GTPBP2: variants seen among roughly 807,000 people sequenced by gnomAD.
GTPBP2 encodes the protein GTP binding protein 2.
Under a neutral mutation model 63.0 loss-of-function variants are expected in GTPBP2, and 32 were observed. The observed-to-expected ratio is 0.51, with a 90% CI of 0.38 to 0.68. The LOEUF (loss-of-function observed/expected upper bound fraction) is 0.68, where lower values mean the gene tolerates loss of function less well. Among genes scored for constraint, GTPBP2 ranks in the 30% least tolerant of loss-of-function variants. The pLI, the probability that GTPBP2 is intolerant of heterozygous loss-of-function variation, is 0.00. For synonymous variants in GTPBP2, 310 were observed against 322.6 expected (o/e 0.96, Z 0.42); for missense variants, 492 against 796.9 (o/e 0.62, Z 4.61).
chr6:43,621,585 A>G lies in GTPBP2; in HGVS notation c.*29T>C. On this transcript the variant is annotated 3_prime_UTR_variant, in exon 12 of 12. Coordinates refer to ENST00000307126, the MANE Select transcript of GTPBP2 (RefSeq NM_019096.5). ...AAGTCACCTTATATATTGTAGGGAC[A>G]GCAATAGAACTGTCCCTGCCTGAAG... The G allele has an allele frequency of 6.2e-7, 1 of 1,614,042 alleles. No individual in the cohort carries two copies. The highest frequency in any genetic ancestry group is 8.5e-7 in the Non-Finnish European group (1 of 1,179,920).
intron 1 of GTPBP2, among the ~76,000 whole-genome samples, chr6:43,627,744 C>T (rs945180958): frequency 3.3e-5 from 5 of 152,202 alleles, no homozygotes; most frequent in Non-Finnish European, 2.9e-5. Flanking sequence ...TTTTTCTACC[C>T]GCCTCTCTGG....
In GTPBP2 at chr6:43,621,749, G is replaced by A. The variant is rs755834125; in HGVS notation, c.1674C>T (p.Arg558=). The A allele has an allele frequency of 6.2e-7, 1 of 1,614,156 alleles. No individual in the cohort carries two copies. Among genetic ancestry groups the A allele is most frequent in the Non-Finnish European group, 8.5e-7 (1 of 1,180,028 alleles). Reference sequence around the variant, plus strand: ...TCAGGTACTCTGGGTGTTTCAGGAAGCGGAAACGTACCACTGCCTTCTCGC... The same window carrying A: ...TCAGGTACTCTGGGTGTTTCAGGAAACGGAAACGTACCACTGCCTTCTCGC... ...RTGEKAVVRF[R]FLKHPEYLKV... is the part of the protein sequence containing the mutation. The change falls in exon 12 of 12, where the codon CGC becomes CGT. Residue 558 remains arginine, a synonymous_variant. Coordinates refer to ENST00000307126, the MANE Select transcript of GTPBP2 (RefSeq NM_019096.5).
rs955764290 is a variant in GTPBP2 at position 43,625,122 on chromosome 6, T to G, written c.706-60A>C. ...CCAGCCCTTCCAACCCCTTCAGAGT[T>G]GCCAGGACCTAAACCATTCCCTGGG... On this transcript the variant is annotated intron_variant, in intron 5 of 11. Transcript: ENST00000307126. This position sits in a 1 kb window ranked among gnomAD's most constrained non-coding sequence, Gnocchi z 5.1. The G allele has an allele frequency of 1.3e-6, 2 of 1,522,340 alleles. No individual in the cohort carries two copies. The highest frequency in any genetic ancestry group is 1.8e-6 in the Non-Finnish European group (2 of 1,107,140). 94.3% of individuals were successfully genotyped at this position (1,522,340 alleles called of 1,614,324 possible). A position where few individuals can be genotyped will look rare whatever the true frequency, so the allele number is the denominator to read the frequency against.
At position 43,629,209 on chromosome 6, in the gene GTPBP2, C is replaced by CCGCCGT. The variant is rs1160706634; in HGVS notation, c.-53_-48dup. 166 of 1,249,288 alleles carry CCGCCGT rather than the reference C, an allele frequency of 1.3e-4. No homozygotes were observed. In the African/African-American group the frequency reaches 1.6e-3, roughly 12 times the overall value. 77.4% of individuals were successfully genotyped at this position (1,249,288 alleles called of 1,614,324 possible). A position where few individuals can be genotyped will look rare whatever the true frequency, so the allele number is the denominator to read the frequency against. Reference sequence around the variant, plus strand: ...CGCCCGGCCCCTCCCCCGACCGCCGCCGCCGTCGCCGCCGCCCTTACTGCC... The same window carrying CCGCCGT: ...CGCCCGGCCCCTCCCCCGACCGCCGCCGCCGTCGCCGTCGCCGCCGCCCTTACTGCC... On this transcript the variant is annotated 5_prime_UTR_variant, in exon 1 of 12. Coordinates refer to ENST00000307126, the MANE Select transcript of GTPBP2 (RefSeq NM_019096.5).
intron 11 of GTPBP2, 105 bp downstream of exon 11, chr6:43,621,898 G>A (rs1308452697): frequency 6.2e-7 from 1 of 1,600,414 alleles, no homozygotes; most frequent in African/African-American, 1.3e-5. Flanking sequence ...CCCACCCTAA[G>A]TGGGGTTTTA....
At chr6:43,627,067 G>T in intron 1 of GTPBP2, 119 bp from the exon 2 acceptor site, 1 of 893,184 alleles carries the variant, frequency 1.1e-6, no homozygotes, top group Non-Finnish European at 1.7e-6. Flanking sequence ...CTGGCACTTG[G>T]TTAGGCAAGT....
At chr6:43,628,534 C>CTG in intron 1 of GTPBP2, 2 of 973,296 alleles carry the variant, frequency 2.1e-6, no homozygotes, top group Non-Finnish European at 1.2e-6. Flanking sequence ...TTCCCGAGTA[C>CTG]TGTGTGTGTG....
Position 43,626,864 on chromosome 6 carries a change from C to A in GTPBP2, c.213+58G>T. Reference sequence around the variant, plus strand: ...AAGAAAGAAAGAAAAAAGAAATTATCCCACACTGGCAAGGACAACCTACCC... The same window carrying A: ...AAGAAAGAAAGAAAAAAGAAATTATACCACACTGGCAAGGACAACCTACCC... On this transcript the variant is annotated intron_variant, in intron 2 of 11. Coordinates refer to ENST00000307126, the MANE Select transcript of GTPBP2 (RefSeq NM_019096.5). This position sits in a 1 kb window ranked among gnomAD's most constrained non-coding sequence, Gnocchi z 4.0. 7.8e-7 allele frequency: 1 copy of A among 1,288,102 alleles called. No individual in the cohort carries two copies. Among genetic ancestry groups the A allele is most frequent in the Non-Finnish European group, 1.1e-6 (1 of 910,228 alleles). 79.8% of individuals were successfully genotyped at this position (1,288,102 alleles called of 1,614,324 possible).
chr6:43,623,868 T>G, intron 8 of GTPBP2, 65 bp downstream of exon 8: 1 of 1,612,756 alleles, frequency 6.2e-7, no homozygotes, highest in Admixed American at 1.7e-5. Flanking sequence ...AAACAGACTC[T>G]GGGTTTGGTC....
rs754914112 is a variant in GTPBP2, at chr6:43,621,394, G to A, written c.*220C>T. ...GCCAACCAGGTGAGCACACAGCTTC[G>A]GAGCACTGCCCTGAATCCTGTCTTC... On this transcript the variant is annotated 3_prime_UTR_variant, in exon 12 of 12. Transcript: ENST00000307126. 8 of 1,521,680 alleles carry A rather than the reference G, an allele frequency of 5.3e-6. No homozygotes were observed. The highest frequency in any genetic ancestry group is 3.6e-5 in the South Asian group (3 of 82,940). 94.3% of individuals were successfully genotyped at this position (1,521,680 alleles called of 1,614,324 possible).
Position 43,622,216 on chromosome 6 carries a change from A to G in GTPBP2, c.1468-49T>C. The G allele has an allele frequency of 2.0e-6, 3 of 1,533,858 alleles. No individual in the cohort carries two copies. Among genetic ancestry groups the G allele is most frequent in the Non-Finnish European group, 2.7e-6 (3 of 1,119,676 alleles). On this transcript the variant is annotated intron_variant, in intron 10 of 11. Coordinates refer to ENST00000307126, the MANE Select transcript of GTPBP2 (RefSeq NM_019096.5). The surrounding 1 kb of genome is among the most constrained non-coding windows in gnomAD (Gnocchi z 5.4). ...CCAGGAAGGGCAGCTCTAACATCAG[A>G]CTCTCCCTCCCCAGCCACCCCACAC...
At chr6:43,628,444 CA>C (rs1350495071) in intron 1 of GTPBP2, 1 of 559,236 alleles carries the variant, frequency 1.8e-6, no homozygotes, top group Non-Finnish European at 2.3e-6. Context: ...CGATACATGC[CA>C]AAGTTTGATA....
upstream of GTPBP2, chr6:43,629,325 A>G: frequency 5.2e-6 from 1 of 192,694 alleles, no homozygotes; most frequent in Non-Finnish European, 9.5e-6. Context: ...CGCGTCAGAA[A>G]CAGCCGCGGG....
Position 43,621,068 on chromosome 6 carries a change from G to A in GTPBP2, c.*546C>T, listed in dbSNP as rs76645046. On this transcript the variant is annotated 3_prime_UTR_variant, in exon 12 of 12. Transcript: ENST00000307126. ...AGGCCTCAGGCCTCAGCACAGGGTG[G>A]CAACACTACCATTCACTGTCCCTGT... is the stretch of plus-strand genomic sequence containing the variant. The A allele has an allele frequency of 7.4e-6, 2 of 269,692 alleles. No homozygotes were observed. Among genetic ancestry groups the A allele is most frequent in the Non-Finnish European group, 7.4e-6 (1 of 134,822 alleles). 16.7% of individuals were successfully genotyped at this position (269,692 alleles called of 1,614,324 possible). A position where few individuals can be genotyped will look rare whatever the true frequency, so the allele number is the denominator to read the frequency against.
rs1326341815 is a variant in GTPBP2 at position 43,626,889 on chromosome 6, C to G, written c.213+33G>C. On this transcript the variant is annotated intron_variant, in intron 2 of 11. Coordinates refer to ENST00000307126, the MANE Select transcript of GTPBP2 (RefSeq NM_019096.5). The surrounding 1 kb of genome is among the most constrained non-coding windows in gnomAD (Gnocchi z 4.0). Reference sequence around the variant, plus strand: ...CCCACACTGGCAAGGACAACCTACCCCAGCCCCTGCTTTTCCCCAGCCTAG... The same window carrying G: ...CCCACACTGGCAAGGACAACCTACCGCAGCCCCTGCTTTTCCCCAGCCTAG... 3 of 1,563,356 alleles carry G rather than the reference C, an allele frequency of 1.9e-6. No homozygotes were observed. Among genetic ancestry groups the G allele is most frequent in the Admixed American group, 3.6e-5 (2 of 55,934 alleles).
intron 9 of GTPBP2, 72 bp downstream of exon 9, chr6:43,623,665 C>G (rs955718481): frequency 4.4e-6 from 5 of 1,132,174 alleles, no homozygotes; most frequent in Non-Finnish European, 6.7e-6. Context: ...AGGGTCTCCT[C>G]CTTTGGGCCA....
chr6:43,628,409 T>C (rs1769587734), intron 1 of GTPBP2: 1 of 226,136 alleles, frequency 4.4e-6, no homozygotes, highest in African/African-American at 2.3e-5. Context: ...TGGCCAGGCG[T>C]TGGGGGCCAG....
rs1207394170 is a variant in GTPBP2 at position 43,625,082 on chromosome 6, C to T, written c.706-20G>A. 4.3e-6 allele frequency: 7 copies of T among 1,610,796 alleles called. No individual in the cohort carries two copies. Among genetic ancestry groups the T allele is most frequent in the Non-Finnish European group, 5.9e-6 (7 of 1,178,436 alleles). On this transcript the variant is annotated intron_variant, in intron 5 of 11. Transcript: ENST00000307126. The surrounding 1 kb of genome is among the most constrained non-coding windows in gnomAD (Gnocchi z 5.1). ...CACCACCTGGCCCAGGGCCCAGGGC[C>T]CTCAGTGCCTCCTGCCAGCCCTTCC...
At chr6:43,630,500 G>T (rs1006098970), upstream of GTPBP2, among the ~76,000 whole-genome samples, 1 of 152,104 alleles carries the variant, frequency 6.6e-6, no homozygotes, top group African/African-American at 2.4e-5. Context: ...CAGCACTTTG[G>T]GAGGCCAAGG....
Sources: allele counts gnomAD v4.1 joint callset (sites outside exome capture counted in the v4.1 genomes callset), GRCh38; gene constraint gnomAD v4.1.1; non-coding constraint Gnocchi (gnomAD v3.1); transcripts MANE v1.5; gene names NCBI Gene and HGNC (gene_info 2026-07-23, HGNC 2026-07-21).